CLTCL1: variants seen among roughly 807,000 people sequenced by gnomAD.
The protein encoded by CLTCL1 is clathrin heavy chain 2.
A neutral mutation model predicts 190.0 loss-of-function variants in CLTCL1; 159 were observed. The ratio of observed to expected loss-of-function variants is 0.84; its 90% CI spans 0.74 to 0.95. The LOEUF (loss-of-function observed/expected upper bound fraction) is 0.95, where lower values mean the gene tolerates loss of function less well. CLTCL1 is among the 40% of genes least tolerant of loss of function. The pLI is 0.00. For synonymous variants in CLTCL1, 752 were observed against 769.6 expected (o/e 0.98, Z 0.38); for missense variants, 1,878 against 2,033.4 (o/e 0.92, Z 1.47).
chr22:19,287,661 G>C (rs989438489), intron 1 of CLTCL1, among the ~76,000 whole-genome samples: 19 of 152,150 alleles, frequency 1.2e-4, no homozygotes, highest in Admixed American at 1.2e-3. Flanking sequence ...GGTGGGGAGG[G>C]ATGGCATAGT....
intron 3 of CLTCL1, among the ~76,000 whole-genome samples, chr22:19,253,049 A>C (rs1302084562): frequency 6.6e-6 from 1 of 151,680 alleles, no homozygotes; most frequent in African/African-American, 2.4e-5. Context: ...ACAAAAAGAT[A>C]CTGCTTTCAG....
chr22:19,222,638 TG>T, intron 15 of CLTCL1, 45 bp downstream of exon 15: 1 of 1,569,058 alleles, frequency 6.4e-7, no homozygotes, highest in Non-Finnish European at 8.6e-7. Context: ...TGCCACTGAC[TG>T]GGGCCCAGAG....
At chr22:19,191,492 C>G (rs1035756600) in intron 26 of CLTCL1, 57 bp from the exon 27 acceptor site, 1 of 1,594,480 alleles carries the variant, frequency 6.3e-7, no homozygotes, top group Non-Finnish European at 8.5e-7. Flanking sequence ...TACCCCAGGG[C>G]TCCTTCCAGT....
intron 2 of CLTCL1, chr22:19,258,097 C>G: frequency 2.4e-6 from 1 of 423,796 alleles, no homozygotes. Flanking sequence ...CTGATGACAC[C>G]AGTGTCACTG....
chr22:19,253,938 T>G, intron 3 of CLTCL1, 21 bp downstream of exon 3: 1 of 1,607,416 alleles, frequency 6.2e-7, no homozygotes. Flanking sequence ...GACCAGCCCC[T>G]AAAGGCAGCT....
In CLTCL1 at chr22:19,196,357, T is replaced by C; in HGVS notation, c.4100A>G (p.Lys1367Arg). The C allele has an allele frequency of 6.2e-7, 1 of 1,614,042 alleles. No homozygotes were observed. Among genetic ancestry groups the C allele is most frequent in the Non-Finnish European group, 8.5e-7 (1 of 1,179,894 alleles). ...CACAGCATTGTCATACTCCTCGTAC[T>C]TGTCATAGAGGAACACCAGCTCAGC... is the stretch of plus-strand genomic sequence containing the variant. ...LWAELVFLYD[K>R]YEEYDNAVLT... Residue 1367 changes from lysine to arginine, a missense_variant, in exon 26 of 33, where the codon AAG (lysine) becomes AGG (arginine). Transcript: ENST00000427926.
At chr22:19,188,558 T>A (rs2084388372) in intron 27 of CLTCL1, among the ~76,000 whole-genome samples, 1 of 152,156 alleles carries the variant, frequency 6.6e-6, no homozygotes, top group African/African-American at 2.4e-5. Context: ...TGATGGCTGC[T>A]GATTCATACA....
chr22:19,258,468 A>C, intron 2 of CLTCL1: 1 of 442,754 alleles, frequency 2.3e-6, no homozygotes, highest in Non-Finnish European at 4.3e-6. Flanking sequence ...AAATCTGAAG[A>C]TCAGCTTGGA....
chr22:19,282,049 G>A (rs996702589), intron 1 of CLTCL1, among the ~76,000 whole-genome samples: 1 of 152,158 alleles, frequency 6.6e-6, no homozygotes, highest in Admixed American at 6.5e-5. Context: ...GGAAAGGGGC[G>A]GCCGGGCACG....
Position 19,187,590 on chromosome 22 carries a change from C to T in CLTCL1, c.4573G>A (p.Val1525Met), listed in dbSNP as rs201496262. Residue 1525 changes from valine to methionine, a missense_variant, in exon 29 of 33, where the codon GTG becomes ATG. Coordinates refer to ENST00000427926, the MANE Select transcript of CLTCL1 (RefSeq NM_007098.4). ...AGATGATCCTTCTTGCAGAGCTCCA[C>T]GCTCTGGGCCCACCAGTTATTGCCC... ...YKGNNWWAQS[V>M]ELCKKDHLYK... 100 of 1,613,034 alleles carry T rather than the reference C, an allele frequency of 6.2e-5. No individual in the cohort carries two copies. The highest frequency in any genetic ancestry group is 1.8e-4 in the Middle Eastern group (1 of 5,488).
At chr22:19,240,003 C>CAGTG (rs1435512831) in intron 4 of CLTCL1, among the ~76,000 whole-genome samples, 1 of 149,582 alleles carries the variant, frequency 6.7e-6, no homozygotes, top group Non-Finnish European at 1.5e-5. Context: ...GGCTGGAGTG[C>CAGTG]AGTGGCGCGA....
chr22:19,180,489 A>G (rs1394866915), intron 31 of CLTCL1, among the ~76,000 whole-genome samples: 1 of 152,192 alleles, frequency 6.6e-6, no homozygotes, highest in African/African-American at 2.4e-5. Flanking sequence ...AGGACACAGC[A>G]GTAGTTCACA....
At position 19,216,753 on chromosome 22, in the gene CLTCL1, C is replaced by G. The variant is rs191725937; in HGVS notation, c.2920-497G>C. Among the ~76,000 whole-genome samples, 1,209 of 152,326 alleles carry G rather than the reference C, an allele frequency of 7.9e-3. 6 individuals are homozygous for G. Among genetic ancestry groups the G allele is most frequent in the Non-Finnish European group, 0.013 (899 of 68,034 alleles). ...GACCAACAAAAGACTGGCTGTGCCA[C>G]CCCTCCTCCAATTATAGGTGTCTCA... On this transcript the variant is annotated intron_variant, in intron 18 of 32. Coordinates refer to ENST00000427926, the MANE Select transcript of CLTCL1 (RefSeq NM_007098.4).
chr22:19,181,349 A>C, intron 30 of CLTCL1: 1 of 154,734 alleles, frequency 6.5e-6, no homozygotes, highest in Non-Finnish European at 1.4e-5. Context: ...CCAGGCACTG[A>C]CCCCACCCAC....
At chr22:19,263,039 A>G (rs1446145320) in intron 2 of CLTCL1, among the ~76,000 whole-genome samples, 4 of 151,858 alleles carry the variant, frequency 2.6e-5, no homozygotes, top group Non-Finnish European at 5.9e-5. Flanking sequence ...TTTAAAAAAA[A>G]AAAAAAAAAA....
chr22:19,206,476 G>A (rs2085054728), intron 22 of CLTCL1, among the ~76,000 whole-genome samples: 1 of 152,186 alleles, frequency 6.6e-6, no homozygotes, highest in African/African-American at 2.4e-5. Context: ...GAACTCCTGG[G>A]CTCAAGTGAT....
intron 1 of CLTCL1, among the ~76,000 whole-genome samples, chr22:19,291,159 CG>C (rs2088103108): frequency 6.6e-6 from 1 of 152,248 alleles, no homozygotes; most frequent in Non-Finnish European, 1.5e-5. Flanking sequence ...CGCATGTTCA[CG>C]GTCCTCCCAG....
intron 2 of CLTCL1, among the ~76,000 whole-genome samples, chr22:19,270,710 G>C (rs898718548): frequency 8.1e-6 from 1 of 123,122 alleles, no homozygotes; most frequent in African/African-American, 3.1e-5. Context: ...CTGGGCAACA[G>C]AGCGAGACTC....
intron 2 of CLTCL1, among the ~76,000 whole-genome samples, chr22:19,264,819 G>A (rs1321700588): frequency 6.6e-6 from 1 of 151,114 alleles, no homozygotes; most frequent in Non-Finnish European, 1.5e-5. Flanking sequence ...ACAGAGTTTC[G>A]CTTTTGGGGC....
Sources: gnomAD v4.1 joint callset for allele counts (sites outside exome capture counted in the v4.1 genomes callset) on GRCh38, gnomAD v4.1.1 for gene constraint, MANE v1.5 for transcripts, NCBI Gene and HGNC (gene_info 2026-07-23, HGNC 2026-07-21) for gene names.